LPAR1: variants seen among roughly 807,000 people sequenced by gnomAD.
The protein encoded by LPAR1 is LPA receptor 1.
LPAR1 carries 5 observed loss-of-function variants against 23.8 expected under a neutral mutation model. That is an observed-to-expected ratio of 0.21 (90% CI 0.11 to 0.44). LPAR1 has a LOEUF of 0.44. LPAR1 is among the 20% of genes least tolerant of loss of function. The pLI is 0.99. For synonymous variants in LPAR1, 160 were observed against 164.7 expected (o/e 0.97, Z 0.22); for missense variants, 311 against 482.8 (o/e 0.64, Z 3.33).
At chr9:110,955,741 AC>A (rs931752515) in intron 4 of LPAR1, among the ~76,000 whole-genome samples, 1 of 151,316 alleles carries the variant, frequency 6.6e-6, no homozygotes, top group Non-Finnish European at 1.5e-5. Flanking sequence ...CAAATCAATT[AC>A]AAGAGTAACT....
intron 4 of LPAR1, among the ~76,000 whole-genome samples, chr9:110,955,015 A>C (rs541507269): frequency 3.3e-4 from 51 of 152,338 alleles, no homozygotes; most frequent in African/African-American, 1.2e-3. Context: ...ACAGTAAGAA[A>C]GAAAGGAAAA....
At chr9:110,958,267 C>A (rs2095828971) in intron 4 of LPAR1, among the ~76,000 whole-genome samples, 1 of 152,114 alleles carries the variant, frequency 6.6e-6, no homozygotes, top group South Asian at 2.1e-4. Flanking sequence ...GCCTAAATAG[C>A]TAAAGCAATC....
intron 5 of LPAR1, among the ~76,000 whole-genome samples, chr9:110,922,921 T>C (rs891467179): frequency 1.3e-5 from 2 of 151,546 alleles, no homozygotes; most frequent in Non-Finnish European, 2.9e-5. Context: ...ACACGTGCCA[T>C]GGTGGTTTGC....
At chr9:110,878,267 T>G (rs2079668815) in intron 5 of LPAR1, among the ~76,000 whole-genome samples, 1 of 152,106 alleles carries the variant, frequency 6.6e-6, no homozygotes, top group South Asian at 2.1e-4. Flanking sequence ...ATGGAAATTC[T>G]GCGCCCCCCT....
chr9:110,984,110 C>T (rs1466522060), intron 2 of LPAR1, among the ~76,000 whole-genome samples: 1 of 151,886 alleles, frequency 6.6e-6, no homozygotes, highest in Non-Finnish European at 1.5e-5. Context: ...CTTTGTGTTA[C>T]AAACAATCCA....
chr9:110,944,208 C>T (rs1407631535), intron 4 of LPAR1, among the ~76,000 whole-genome samples: 2 of 152,130 alleles, frequency 1.3e-5, no homozygotes, highest in East Asian at 3.9e-4. Flanking sequence ...CCAAGTAATG[C>T]CAAGGCTGCT....
At chr9:110,930,402 G>A (rs1218051211) in intron 5 of LPAR1, among the ~76,000 whole-genome samples, 1 of 151,856 alleles carries the variant, frequency 6.6e-6, no homozygotes, top group Non-Finnish European at 1.5e-5. Flanking sequence ...CCAGCTGCTC[G>A]GGAGGCTGAG....
At chr9:110,938,691 A>C (rs567983491) in intron 5 of LPAR1, among the ~76,000 whole-genome samples, 9 of 135,448 alleles carry the variant, frequency 6.6e-5, no homozygotes, top group African/African-American at 1.6e-4. Flanking sequence ...CCATCTCTAC[A>C]AAAAAAAAAG....
chr9:110,985,331 T>C (rs1361585025), intron 2 of LPAR1, among the ~76,000 whole-genome samples: 1 of 152,158 alleles, frequency 6.6e-6, no homozygotes, highest in African/African-American at 2.4e-5. Flanking sequence ...TTCATGTTCA[T>C]AAATCCTTTT....
intron 4 of LPAR1, among the ~76,000 whole-genome samples, chr9:110,942,676 T>C (rs1318650931): frequency 6.6e-6 from 1 of 152,216 alleles, no homozygotes; most frequent in Non-Finnish European, 1.5e-5. Context: ...AGGACCATCA[T>C]TCCAAACATT....
intron 2 of LPAR1, among the ~76,000 whole-genome samples, chr9:110,979,212 AT>A (rs1306486755): frequency 6.6e-6 from 1 of 152,092 alleles, no homozygotes; most frequent in African/African-American, 2.4e-5. Flanking sequence ...AATACTTATA[AT>A]TTTATATGTC....
chr9:110,957,611 C>G (rs1588532779), intron 4 of LPAR1, among the ~76,000 whole-genome samples: 1 of 152,108 alleles, frequency 6.6e-6, no homozygotes, highest in South Asian at 2.1e-4. Context: ...CTATATATGA[C>G]AAATCCACAG....
intron 2 of LPAR1, among the ~76,000 whole-genome samples, chr9:110,992,299 A>C (rs1188982468): frequency 1.3e-5 from 2 of 152,158 alleles, no homozygotes; most frequent in African/African-American, 4.8e-5. Context: ...ACCACAATGA[A>C]ACACCACTAC....
chr9:111,034,612 T>G (rs907154831), intron 2 of LPAR1, among the ~76,000 whole-genome samples: 2 of 152,290 alleles, frequency 1.3e-5, no homozygotes, highest in East Asian at 1.9e-4. Context: ...AACCTTTATA[T>G]AATTTGAGTA....
intron 2 of LPAR1, among the ~76,000 whole-genome samples, chr9:111,021,053 A>G (rs1157458657): frequency 6.6e-6 from 1 of 152,210 alleles, no homozygotes; most frequent in African/African-American, 2.4e-5. Flanking sequence ...AACTTGAAAG[A>G]CTGAATATAT....
rs11542862 is a variant in LPAR1 at position 110,941,984 on chromosome 9, T to C, written c.230A>G (p.Asn77Ser). 2 of 1,614,084 alleles carry C rather than the reference T, an allele frequency of 1.2e-6. No homozygotes were observed. The highest frequency in any genetic ancestry group is 1.7e-6 in the Non-Finnish European group (2 of 1,179,996). The change falls in exon 5 of 6, where the codon AAC (asparagine) becomes AGC (serine). Residue 77 changes from asparagine (N) to serine (S), a missense_variant. Physicochemically the swap from Asn to Ser is conservative, Grantham distance 46. Transcript: ENST00000683809. The surrounding 1 kb of genome is among the most constrained non-coding windows in gnomAD (Gnocchi z 6.1). ...NLLVMVAIYV[N>S]RRFHFPIYYL... Reference sequence around the variant, plus strand: ...ATAAATAGGAAAATGGAAGCGGCGGTTGACATAGATTGCCACCATGACCAA... The same window carrying C: ...ATAAATAGGAAAATGGAAGCGGCGGCTGACATAGATTGCCACCATGACCAA...
intron 5 of LPAR1, among the ~76,000 whole-genome samples, chr9:110,886,043 C>T (rs2082270883): frequency 6.6e-6 from 1 of 151,974 alleles, no homozygotes; most frequent in Non-Finnish European, 1.5e-5. Flanking sequence ...ACTAAAACCA[C>T]AAAAATTAGT....
chr9:110,892,297 G>A (rs2084465615), intron 5 of LPAR1, among the ~76,000 whole-genome samples: 1 of 152,166 alleles, frequency 6.6e-6, no homozygotes, highest in East Asian at 1.9e-4. Context: ...GAGAGAATGA[G>A]GAAGAGGTTG....
intron 2 of LPAR1, among the ~76,000 whole-genome samples, chr9:111,009,873 T>G (rs146031760): frequency 2.0e-5 from 3 of 151,304 alleles, no homozygotes; most frequent in African/African-American, 7.3e-5. Flanking sequence ...TTACAAACAC[T>G]AATAGAGATT....
Sources: gnomAD v4.1 joint callset for allele counts (sites outside exome capture counted in the v4.1 genomes callset) on GRCh38, gnomAD v4.1.1 for gene constraint, Gnocchi (gnomAD v3.1) non-coding constraint, MANE v1.5 for transcripts, NCBI Gene and HGNC (gene_info 2026-07-23, HGNC 2026-07-21) for gene names.